Variants in MSANTD5 observed in about 807,000 individuals in gnomAD.
MSANTD5 encodes Myb/SANT DNA binding domain containing 5.
upstream of MSANTD5, among the ~76,000 whole-genome samples, chr5:178,699,167 C>A (rs911729839): frequency 1.3e-5 from 2 of 152,070 alleles, no homozygotes; most frequent in African/African-American, 4.8e-5. Flanking sequence ...GTCTTCTTCC[C>A]CAGGCTCGAG....
upstream of MSANTD5, among the ~76,000 whole-genome samples, chr5:178,699,378 T>C (rs1286636441): frequency 6.6e-6 from 1 of 152,154 alleles, no homozygotes; most frequent in Non-Finnish European, 1.5e-5. Context: ...TTCTTTATCT[T>C]CTCAGTGACA....
chr5:178,706,089 G>A, the MSANTD5 span, among the ~76,000 whole-genome samples: 5 of 152,338 alleles, frequency 3.3e-5, no homozygotes, highest in African/African-American at 1.2e-4. Flanking sequence ...TAACTGTAGA[G>A]TTAGCTGCAT....
chr5:178,693,850 C>G (rs1765382001), downstream of MSANTD5, among the ~76,000 whole-genome samples: 1 of 152,030 alleles, frequency 6.6e-6, no homozygotes, highest in Non-Finnish European at 1.5e-5. Context: ...CAAGTCCCCA[C>G]CCGACCCAGA....
chr5:178,693,784 GAC>G (rs1480608043), downstream of MSANTD5, among the ~76,000 whole-genome samples: 3 of 151,976 alleles, frequency 2.0e-5, no homozygotes, highest in Admixed American at 6.6e-5. Flanking sequence ...CCTCTAGCTA[GAC>G]ACAGAGTGCT....
At chr5:178,703,296 G>T in the MSANTD5 span, among the ~76,000 whole-genome samples, 1 of 152,188 alleles carries the variant, frequency 6.6e-6, no homozygotes, top group South Asian at 2.1e-4. Flanking sequence ...GGCTTGGCCT[G>T]CTCCACAGTG....
upstream of MSANTD5, among the ~76,000 whole-genome samples, chr5:178,699,075 C>G (rs1765450346): frequency 6.6e-6 from 1 of 152,124 alleles, no homozygotes; most frequent in African/African-American, 2.4e-5. Flanking sequence ...GTCCAATACA[C>G]CCCCACTCTG....
the MSANTD5 span, among the ~76,000 whole-genome samples, chr5:178,706,285 A>G: frequency 6.6e-6 from 1 of 152,114 alleles, no homozygotes; most frequent in Non-Finnish European, 1.5e-5. Flanking sequence ...GAAATTGCCT[A>G]GCCATAGGTG....
At chr5:178,700,755 CTGGAGAGGCTCG>C (rs1200735569), upstream of MSANTD5, among the ~76,000 whole-genome samples, 4 of 137,710 alleles carry the variant, frequency 2.9e-5, no homozygotes, top group Non-Finnish European at 4.9e-5. Flanking sequence ...GAGGCTGAGC[CTGGAGAGGCTCG>C]GAAGGCCAGG....
At chr5:178,705,800 A>G in the MSANTD5 span, among the ~76,000 whole-genome samples, 6 of 152,084 alleles carry the variant, frequency 3.9e-5, no homozygotes, top group African/African-American at 1.4e-4. Flanking sequence ...TACTAAAAAT[A>G]CAAAAACTTA....
At chr5:178,701,123 G>A (rs1234828208), upstream of MSANTD5, among the ~76,000 whole-genome samples, 9 of 152,054 alleles carry the variant, frequency 5.9e-5, no homozygotes, top group South Asian at 2.1e-4. Context: ...ACAGGCGCCC[G>A]CCACCACGCC....
upstream of MSANTD5, among the ~76,000 whole-genome samples, chr5:178,702,088 A>AT (rs1378657790): frequency 2.6e-5 from 4 of 151,352 alleles, no homozygotes; most frequent in African/African-American, 9.7e-5. Flanking sequence ...TAACTAAAAA[A>AT]AAAAAAAATA....
At chr5:178,699,507 C>A (rs955415493), upstream of MSANTD5, among the ~76,000 whole-genome samples, 3 of 151,518 alleles carry the variant, frequency 2.0e-5, no homozygotes, top group Admixed American at 2.0e-4. Context: ...TGCCTCCTGG[C>A]TTCAAGCAAT....
chr5:178,698,967 A>G (rs1301615407), upstream of MSANTD5, among the ~76,000 whole-genome samples: 2 of 151,940 alleles, frequency 1.3e-5, no homozygotes, highest in African/African-American at 4.8e-5. Flanking sequence ...ATCTAAAAAT[A>G]CCACCATCTC....
the MSANTD5 span, among the ~76,000 whole-genome samples, chr5:178,703,115 G>C: frequency 6.6e-6 from 1 of 152,252 alleles, no homozygotes; most frequent in Non-Finnish European, 1.5e-5. Context: ...TTGAGGGAGA[G>C]GCCATGTGCA....
chr5:178,694,214 G>A (rs184644706), downstream of MSANTD5, among the ~76,000 whole-genome samples: 1 of 151,426 alleles, frequency 6.6e-6, no homozygotes, highest in East Asian at 2.0e-4. Flanking sequence ...CTATTCAGGA[G>A]GCTGAGGCAG....
chr5:178,702,570 A>C (rs1415943133), upstream of MSANTD5, among the ~76,000 whole-genome samples: 8 of 150,458 alleles, frequency 5.3e-5, no homozygotes, highest in Non-Finnish European at 1.2e-4. Context: ...AAGGGCTGGG[A>C]ATACAGGTGT....
downstream of MSANTD5, among the ~76,000 whole-genome samples, chr5:178,693,924 C>T (rs1266248521): frequency 6.6e-6 from 1 of 152,026 alleles, no homozygotes; most frequent in Non-Finnish European, 1.5e-5. Flanking sequence ...ACTTAACACA[C>T]AGTGATTATG....
At chr5:178,702,150 A>AAGTATTTT (rs922494713), upstream of MSANTD5, among the ~76,000 whole-genome samples, 9 of 151,928 alleles carry the variant, frequency 5.9e-5, no homozygotes, top group Non-Finnish European at 1.3e-4. Flanking sequence ...TGTACCAAGG[A>AAGTATTTT]AGTATTTTAT....
At chr5:178,702,630 C>T (rs1382333204), upstream of MSANTD5, among the ~76,000 whole-genome samples, 2 of 150,614 alleles carry the variant, frequency 1.3e-5, no homozygotes, top group Non-Finnish European at 2.9e-5. Context: ...CAGAGTCTCT[C>T]TCTGTTGCTC....
Sources: allele counts gnomAD v4.1 joint callset (sites outside exome capture counted in the v4.1 genomes callset), GRCh38; gene constraint gnomAD v4.1.1; transcripts MANE v1.5; gene names NCBI Gene and HGNC (gene_info 2026-07-23, HGNC 2026-07-21).